The following MCF2 variants were observed in gnomAD, a reference collection of about 807,000 sequenced individuals.
The protein encoded by MCF2 is proto-oncogene DBL.
In MCF2, 44 loss-of-function variants were observed where a neutral mutation model predicts 82.5. The ratio of observed to expected loss-of-function variants is 0.53; its 90% confidence interval spans 0.42 to 0.69. MCF2 has a LOEUF of 0.69. MCF2 is among the 30% of genes least tolerant of loss of function. The pLI, the probability that MCF2 is intolerant of heterozygous loss-of-function variation, is 0.00. For synonymous variants in MCF2, 217 were observed against 224.9 expected (o/e 0.96, Z 0.32); for missense variants, 623 against 663.1 (o/e 0.94, Z 0.66).
chrX:139,631,285 TTTTG>T, intron 3 of MCF2, 106 bp downstream of exon 6: 3 of 392,047 alleles, frequency 7.7e-6, no homozygotes, highest in Non-Finnish European at 1.3e-5. Context: ...GCTGGGGTTT[TTTTG>T]TTTTGTTTTG....
At chrX:139,622,893 A>T (rs1006142226) in intron 6 of MCF2, among the ~76,000 whole-genome samples, 119 of 108,235 alleles carry the variant, frequency 1.1e-3, no homozygotes, top group South Asian at 1.9e-3. Flanking sequence ...ATAATAAAAT[A>T]AAAAAAAACT....
At chrX:139,603,930 A>G (rs1011386599) in intron 15 of MCF2, among the ~76,000 whole-genome samples, 1 of 112,579 alleles carries the variant, frequency 8.9e-6, no homozygotes, top group African/African-American at 3.2e-5. Flanking sequence ...CTCATTTCAT[A>G]AACACTTTCT....
intron 1 of MCF2, among the ~76,000 whole-genome samples, chrX:139,703,788 GGGGAAGGATATTTCA>G (rs1165964213): frequency 1.8e-5 from 2 of 111,213 alleles, no homozygotes; most frequent in African/African-American, 6.5e-5. Context: ...AAGGGAAAAT[GGGGAAGGATATTTCA>G]AAGAAATAAT....
rs1294035368 is a variant in MCF2, at chrX:139,699,131, G to T, written c.-45+8975C>A. ...CTGAAATGAAAATAACCGTATCAATGAATTATAATTTTGCAGATCTGCAGC... is the reference window on the plus strand; with the variant it reads ...CTGAAATGAAAATAACCGTATCAATTAATTATAATTTTGCAGATCTGCAGC... On this transcript the variant is annotated intron_variant, in intron 1 of 27. Coordinates refer to the MCF2 transcript ENST00000414978. Among the ~76,000 whole-genome samples the T allele has an allele frequency of 2.7e-5, 3 of 111,778 alleles. No individual in the cohort carries two copies. The East Asian group carries it at 8.4e-4, about 31-fold the overall frequency.
At chrX:139,652,083 G>T (rs1040786228) in intron 1 of MCF2, among the ~76,000 whole-genome samples, 2 of 112,049 alleles carry the variant, frequency 1.8e-5, no homozygotes, top group African/African-American at 6.5e-5. Context: ...AGGACATTCG[G>T]ATTTATTTGA....
At chrX:139,683,919 G>A (rs1935061683) in intron 1 of MCF2, among the ~76,000 whole-genome samples, 1 of 112,069 alleles carries the variant, frequency 8.9e-6, no homozygotes, top group African/African-American at 3.2e-5. Flanking sequence ...CTTGGATTAG[G>A]CAATGTTTTC....
At chrX:139,679,893 G>A (rs1452229595) in intron 1 of MCF2, among the ~76,000 whole-genome samples, 1 of 109,746 alleles carries the variant, frequency 9.1e-6, no homozygotes, top group Admixed American at 9.7e-5. Flanking sequence ...TTCCAAGGAT[G>A]AGAGCAATAT....
chrX:139,647,415 A>G (rs760514961), upstream of MCF2, among the ~76,000 whole-genome samples: 3 of 112,211 alleles, frequency 2.7e-5, no homozygotes, highest in Non-Finnish European at 3.8e-5. Flanking sequence ...CAGGAATGAC[A>G]TAGGAATTTT....
At chrX:139,682,543 A>C (rs753908579) in intron 1 of MCF2, among the ~76,000 whole-genome samples, 1 of 112,689 alleles carries the variant, frequency 8.9e-6, no homozygotes, top group East Asian at 2.8e-4. Flanking sequence ...AGCATCAGCA[A>C]ATCCACTGTA....
chrX:139,637,019 C>A (rs967080517), intron 1 of MCF2, among the ~76,000 whole-genome samples: 11 of 111,171 alleles, frequency 9.9e-5, no homozygotes, highest in African/African-American at 3.3e-4. Context: ...CACAAAAAGC[C>A]CAGAAAAACT....
chrX:139,616,799 G>A (rs1242123530), intron 8 of MCF2, among the ~76,000 whole-genome samples: 1 of 111,466 alleles, frequency 9.0e-6, no homozygotes, highest in Non-Finnish European at 1.9e-5. Flanking sequence ...CTAACACTTA[G>A]TTGCATGTTA....
intron 1 of MCF2, among the ~76,000 whole-genome samples, chrX:139,687,716 T>C (rs1473464938): frequency 1.8e-5 from 2 of 112,613 alleles, no homozygotes; most frequent in African/African-American, 6.4e-5. Context: ...AAGTAAAATA[T>C]TACAATTTCA....
At chrX:139,701,535 C>A (rs531649895) in intron 1 of MCF2, among the ~76,000 whole-genome samples, 1 of 112,022 alleles carries the variant, frequency 8.9e-6, no homozygotes. Context: ...GTGCCAACTC[C>A]TGCCTGAGAA....
Position 139,667,828 on chromosome X carries a change from G to A in MCF2, c.-44-16040C>T, listed in dbSNP as rs145852969. Among the ~76,000 whole-genome samples the A allele has an allele frequency of 5.0e-4, 56 of 111,860 alleles. No homozygotes were observed. The East Asian group carries it at 0.015, about 29-fold the overall frequency. Reference sequence around the variant, plus strand: ...TGAGCACATGTAACTCTCACACTCCGATCCCAGTGGGGCACACTCCCCAGC... The same window carrying A: ...TGAGCACATGTAACTCTCACACTCCAATCCCAGTGGGGCACACTCCCCAGC... On this transcript the variant is annotated intron_variant, in intron 1 of 27. Transcript: ENST00000414978.
intron 22 of MCF2, 120 bp downstream of exon 26, chrX:139,587,596 T>C (rs1929088547): frequency 4.7e-5 from 23 of 487,868 alleles, no homozygotes. Flanking sequence ...TGGAATTTGA[T>C]GAGTTATTGC....
At chrX:139,632,421 C>G in exon 2 of MCF2, 2 of 1,203,462 alleles carry the variant, frequency 1.7e-6, no homozygotes, top group Non-Finnish European at 2.2e-6. Flanking sequence ...GGACGTAAAA[C>G]CAAAACCAAG....
At chrX:139,692,219 G>A (rs761685841) in intron 1 of MCF2, 267 of 677,952 alleles carry the variant, frequency 3.9e-4, no homozygotes, top group Middle Eastern at 1.0e-3. Flanking sequence ...CGCTACTCCA[G>A]CCAGCAGCTG....
chrX:139,608,651 C>T (rs1026864608), intron 11 of MCF2, among the ~76,000 whole-genome samples: 2 of 111,271 alleles, frequency 1.8e-5, no homozygotes, highest in African/African-American at 6.5e-5. Context: ...CTAAATATTT[C>T]CCCAAAATGT....
At chrX:139,584,147 T>C (rs1018929979) in intron 24 of MCF2, among the ~76,000 whole-genome samples, 303 of 100,635 alleles carry the variant, frequency 3.0e-3, no homozygotes, top group Non-Finnish European at 5.0e-3. Context: ...TTTTTTTTTT[T>C]TTTTTGAGAC....
Sources: allele counts gnomAD v4.1 joint callset (sites outside exome capture counted in the v4.1 genomes callset), GRCh38; gene constraint gnomAD v4.1.1; transcripts MANE v1.5; gene names NCBI Gene and HGNC (gene_info 2026-07-23, HGNC 2026-07-21).